SARAF: variants seen among roughly 807,000 people sequenced by gnomAD.
SARAF encodes the protein store-operated calcium entry associated regulatory factor.
SARAF carries 23 observed loss-of-function variants against 39.7 expected under a neutral mutation model. The ratio of observed to expected loss-of-function variants is 0.58; its 90% confidence interval spans 0.42 to 0.82. SARAF has a LOEUF of 0.82. Among genes scored for constraint, SARAF ranks in the 40% least tolerant of loss-of-function variants. The pLI is 0.00. For synonymous variants in SARAF, 175 were observed against 168.5 expected (o/e 1.04, Z -0.30); for missense variants, 384 against 418.5 (o/e 0.92, Z 0.72).
rs990680653 is a variant in SARAF, at chr8:30,075,317, T to A, written c.104-1262A>T. Among the ~76,000 whole-genome samples the A allele has an allele frequency of 5.9e-4, 78 of 132,828 alleles. 1 individual carries two copies. The highest frequency in any genetic ancestry group is 2.4e-3 in the African/African-American group (76 of 31,158). 87.1% of individuals were successfully genotyped at this position (132,828 alleles called of 152,430 possible). The stretch of plus-strand genomic sequence containing the variant: ...CTCCATCTCAAAAAAAAAAAAAAAA[T>A]GAATTTCTATGCATTATTGGAAAAT... On this transcript the variant is annotated intron_variant, in intron 1 of 5. Transcript: ENST00000256255.
At chr8:30,071,630 C>T (rs138087276) in intron 2 of SARAF, among the ~76,000 whole-genome samples, 13 of 152,292 alleles carry the variant, frequency 8.5e-5, no homozygotes, top group Admixed American at 6.5e-4. Context: ...TCCATTCTCC[C>T]GCCGCACACC....
At chr8:30,077,525 C>G (rs903595439) in intron 1 of SARAF, among the ~76,000 whole-genome samples, 2 of 152,024 alleles carry the variant, frequency 1.3e-5, no homozygotes, top group East Asian at 3.9e-4. Flanking sequence ...AAAAAGAGGC[C>G]GGGCGTGGTG....
chr8:30,067,131 T>C (rs1298487412), intron 3 of SARAF: 1 of 554,692 alleles, frequency 1.8e-6, no homozygotes, highest in Non-Finnish European at 3.1e-6. Flanking sequence ...AGGAGAGGGA[T>C]AGATTTTGGG....
At position 30,069,707 on chromosome 8, in the gene SARAF, TG is replaced by T. The variant is rs747100336; in HGVS notation, c.634del (p.His212ThrfsTer62). 2 of 1,613,822 alleles carry T rather than the reference TG, an allele frequency of 1.2e-6. No individual in the cohort carries two copies. Among genetic ancestry groups the T allele is most frequent in the Non-Finnish European group, 1.7e-6 (2 of 1,179,962 alleles). On this transcript the variant is annotated frameshift_variant, in exon 3 of 6. Transcript: ENST00000256255. LOFTEE classifies it high-confidence loss of function. ...TGAGTTGGTGAATCTCTGGTAACGG[TG>T]GGAAAATGGAGGATACTCAGAGTAC... ...PPYSEYPPFSHRYQRFTNSAG... is the reference protein window; with the variant it reads ...PPYSEYPPFSXRYQRFTNSAG...
chr8:30,068,045 G>A (rs1801732104), intron 3 of SARAF, among the ~76,000 whole-genome samples: 1 of 151,992 alleles, frequency 6.6e-6, no homozygotes, highest in South Asian at 2.1e-4. Flanking sequence ...ATCTCCCTGT[G>A]GTTTTCATCT....
At chr8:30,064,561 A>ATATATATATTTTTTTTTTTTT (rs1423689069) in intron 5 of SARAF, among the ~76,000 whole-genome samples, 1 of 46,234 alleles carries the variant, frequency 2.2e-5, no homozygotes, top group African/African-American at 1.1e-4. Context: ...ATATATATAT[A>ATATATATATTTTTTTTTTTTT]TTTTTTTTTT....
At position 30,082,976 on chromosome 8, in the gene SARAF, T is replaced by C; in HGVS notation, c.-27A>G. The C allele has an allele frequency of 1.3e-6, 2 of 1,523,352 alleles. No homozygotes were observed. The highest frequency in any genetic ancestry group is 1.4e-5 in the African/African-American group (1 of 70,964). 94.4% of individuals were successfully genotyped at this position (1,523,352 alleles called of 1,614,324 possible). On this transcript the variant is annotated 5_prime_UTR_variant, in exon 1 of 6. Coordinates refer to ENST00000256255, the MANE Select transcript of SARAF (RefSeq NM_016127.6). Reference sequence around the variant, plus strand: ...GCGCTCGATGAAGATGGCGCCGGGCTGCCAGACGCCTACGGGCCGAACCTG... The same window carrying C: ...GCGCTCGATGAAGATGGCGCCGGGCCGCCAGACGCCTACGGGCCGAACCTG...
At chr8:30,064,856 C>A (rs967366821) in intron 5 of SARAF, among the ~76,000 whole-genome samples, 4 of 151,918 alleles carry the variant, frequency 2.6e-5, no homozygotes, top group Admixed American at 1.3e-4. Flanking sequence ...AGCCACCGTG[C>A]CTGGCCTTAC....
intron 2 of SARAF, among the ~76,000 whole-genome samples, chr8:30,072,381 G>T (rs1338590501): frequency 6.6e-6 from 1 of 152,118 alleles, no homozygotes; most frequent in East Asian, 1.9e-4. Context: ...CATTCTGTAG[G>T]TTGTCTTTTC....
chr8:30,070,340 G>A (rs7830891), intron 2 of SARAF, among the ~76,000 whole-genome samples: 112,459 of 151,968 alleles, frequency 0.74, 42,697 homozygotes, highest in South Asian at 0.84. Context: ...CCTGGGAGGT[G>A]GAGGTTGCAG....
intron 1 of SARAF, among the ~76,000 whole-genome samples, chr8:30,078,593 C>T (rs988341163): frequency 5.9e-5 from 9 of 152,178 alleles, no homozygotes; most frequent in African/African-American, 1.9e-4. Flanking sequence ...TGCCAACCAT[C>T]GCTTTGCTAA....
chr8:30,076,434 C>T (rs1167308809), intron 1 of SARAF, among the ~76,000 whole-genome samples: 3 of 152,200 alleles, frequency 2.0e-5, no homozygotes, highest in Non-Finnish European at 4.4e-5. Context: ...CAAAAAAGAG[C>T]AACCTAGGTC....
At chr8:30,065,715 A>G in intron 5 of SARAF, 1 of 396,988 alleles carries the variant, frequency 2.5e-6, no homozygotes, top group Non-Finnish European at 4.7e-6. Context: ...AAGGATCTCT[A>G]GAGATCACAG....
intron 2 of SARAF, among the ~76,000 whole-genome samples, chr8:30,073,223 AGTC>A (rs1484981832): frequency 6.6e-6 from 1 of 152,230 alleles, no homozygotes; most frequent in Non-Finnish European, 1.5e-5. Context: ...CCTTGTGACC[AGTC>A]GTCTTAAATC....
chr8:30,065,808 C>T, intron 5 of SARAF, 180 bp downstream of exon 5: 1 of 707,150 alleles, frequency 1.4e-6, no homozygotes, highest in Non-Finnish European at 2.3e-6. Context: ...TAAATCAAAT[C>T]CCTGTTTGAT....
chr8:30,067,152 G>T, intron 3 of SARAF: 1 of 494,484 alleles, frequency 2.0e-6, no homozygotes, highest in Non-Finnish European at 3.6e-6. Context: ...ACTGGGGAGG[G>T]TCTTGCTATA....
At chr8:30,074,645 ATG>A (rs1441184401) in intron 1 of SARAF, among the ~76,000 whole-genome samples, 3 of 152,364 alleles carry the variant, frequency 2.0e-5, no homozygotes, top group Admixed American at 1.3e-4. Flanking sequence ...ATGTCTATAT[ATG>A]TATATAATAA....
chr8:30,083,043 C>G lies in SARAF; in HGVS notation c.-94G>C, dbSNP rs1207783091. The G allele has an allele frequency of 5.3e-6, 5 of 949,730 alleles. No individual in the cohort carries two copies. The highest frequency in any genetic ancestry group is 4.5e-6 in the Non-Finnish European group (3 of 661,612). The allele number at this position is 949,730 out of a possible 1,614,324, so 58.8% of individuals were successfully genotyped here. A position where few individuals can be genotyped will look rare whatever the true frequency, so the allele number is the denominator to read the frequency against. ...CGACGCTGCGCAGCTACACCGCTACCCCTGGCGGCGGCGAAGGAACGGCCC... is the reference window on the plus strand; with the variant it reads ...CGACGCTGCGCAGCTACACCGCTACGCCTGGCGGCGGCGAAGGAACGGCCC... On this transcript the variant is annotated 5_prime_UTR_variant, in exon 1 of 6. Transcript: ENST00000256255.
chr8:30,082,875 CGCGGTCAGCAGAAACAAAT>C lies in SARAF; in HGVS notation c.56_74del (p.His19ArgfsTer18). 1.9e-6 allele frequency: 3 copies of C among 1,556,424 alleles called. No individual in the cohort carries two copies. The highest frequency in any genetic ancestry group is 2.6e-6 in the Non-Finnish European group (3 of 1,152,658). On this transcript the variant is annotated frameshift_variant, in exon 1 of 6. Coordinates refer to ENST00000256255, the MANE Select transcript of SARAF (RefSeq NM_016127.6). LOFTEE classifies it high-confidence loss of function. The stretch of plus-strand genomic sequence containing the variant: ...GGTCGTTCCAGCCCAGGGCAGGGCC[CGCGGTCAGCAGAAACAAAT>C]GCAAGCCGAGGAGCAAGCAGTACCC...
Sources: gnomAD v4.1 joint callset for allele counts (sites outside exome capture counted in the v4.1 genomes callset) on GRCh38, gnomAD v4.1.1 for gene constraint, MANE v1.5 for transcripts, NCBI Gene and HGNC (gene_info 2026-07-23, HGNC 2026-07-21) for gene names.